Variants in GPC5 observed in about 807,000 individuals in gnomAD.
GPC5 encodes the protein glypican-5.
A neutral mutation model predicts 53.9 loss-of-function variants in GPC5; 47 were observed. The observed-to-expected ratio is 0.87, with a 90% CI of 0.69 to 1.11. The LOEUF is 1.11. Ranked by LOEUF, GPC5 falls within the 50% of genes most tolerant of loss-of-function variation. The probability of loss-of-function intolerance (pLI) is 0.00; values close to 1 mark genes in which losing one functional copy is unlikely to be tolerated. For missense variants in GPC5, 748 were observed against 713.1 expected (o/e 1.05, Z -0.56); for synonymous variants, 286 against 263.3 (o/e 1.09, Z -0.84).
At chr13:91,673,104 A>T (rs2139684613) in intron 2 of GPC5, among the ~76,000 whole-genome samples, 1 of 152,010 alleles carries the variant, frequency 6.6e-6, no homozygotes, top group African/African-American at 2.4e-5. Context: ...AGGGGAGGGA[A>T]CTTAGAGGAT....
intron 7 of GPC5, among the ~76,000 whole-genome samples, chr13:92,539,829 G>T (rs1305439827): frequency 6.6e-6 from 1 of 151,862 alleles, no homozygotes; most frequent in Non-Finnish European, 1.5e-5. Flanking sequence ...AACATTTTGA[G>T]AAGGATGTAC....
intron 2 of GPC5, among the ~76,000 whole-genome samples, chr13:91,603,920 A>G (rs2033263973): frequency 6.7e-6 from 1 of 149,768 alleles, no homozygotes. Flanking sequence ...CCTTTCTAGT[A>G]GTATTTTTTT....
rs573351062 is a variant in GPC5 at position 91,688,120 on chromosome 13, A to T, written c.326-5067A>T. On this transcript the variant is annotated intron_variant, in intron 2 of 7. Coordinates refer to ENST00000377067, the MANE Select transcript of GPC5 (RefSeq NM_004466.6). The stretch of plus-strand genomic sequence containing the variant: ...CTCAACTCCTTGGTAAACATGGTAT[A>T]AGAACAAAGTGATAGTTTTACAAAT... 2.2e-3 allele frequency among the ~76,000 whole-genome samples: 330 copies of T among 152,230 alleles called. 1 individual carries two copies. The highest frequency in any genetic ancestry group is 7.4e-3 in the African/African-American group (307 of 41,578).
At chr13:92,328,693 G>A (rs1344139893) in intron 7 of GPC5, among the ~76,000 whole-genome samples, 2 of 152,060 alleles carry the variant, frequency 1.3e-5, no homozygotes, top group Non-Finnish European at 2.9e-5. Flanking sequence ...CCATGTTCAT[G>A]GAAAGAAAAA....
intron 7 of GPC5, among the ~76,000 whole-genome samples, chr13:92,445,967 G>T (rs1403833846): frequency 6.6e-6 from 1 of 151,802 alleles, no homozygotes; most frequent in Non-Finnish European, 1.5e-5. Context: ...TAATTTTTCT[G>T]AGTACATAGT....
intron 2 of GPC5, among the ~76,000 whole-genome samples, chr13:91,532,487 G>A (rs1287822188): frequency 1.3e-5 from 2 of 152,110 alleles, no homozygotes; most frequent in Admixed American, 1.3e-4. Context: ...ATTTATATCA[G>A]TTGTTTCACA....
At chr13:91,602,067 T>A (rs970666849) in intron 2 of GPC5, among the ~76,000 whole-genome samples, 8 of 152,238 alleles carry the variant, frequency 5.3e-5, no homozygotes, top group African/African-American at 1.9e-4. Flanking sequence ...GTGTCTTTTC[T>A]ACCTTTTCCT....
chr13:91,802,504 A>T (rs2038152176), intron 5 of GPC5, among the ~76,000 whole-genome samples: 1 of 152,138 alleles, frequency 6.6e-6, no homozygotes, highest in African/African-American at 2.4e-5. Flanking sequence ...ATGGAAGGGG[A>T]CCCAAGCAGG....
At chr13:91,860,320 T>C (rs1035814466) in intron 5 of GPC5, among the ~76,000 whole-genome samples, 6 of 152,076 alleles carry the variant, frequency 3.9e-5, no homozygotes, top group Admixed American at 3.9e-4. Flanking sequence ...GAAGCTGTAA[T>C]GTTTAACTTT....
intron 7 of GPC5, among the ~76,000 whole-genome samples, chr13:92,158,000 A>G (rs1325375694): frequency 6.6e-6 from 1 of 152,230 alleles, no homozygotes; most frequent in Non-Finnish European, 1.5e-5. Flanking sequence ...TGAGGAATAA[A>G]GAATACATAA....
chr13:92,545,372 A>T (rs758923018), intron 7 of GPC5, among the ~76,000 whole-genome samples: 1 of 152,160 alleles, frequency 6.6e-6, no homozygotes. Context: ...TAGTGCTGCA[A>T]TAAACATACG....
At chr13:92,303,472 A>G (rs1255012518) in intron 7 of GPC5, among the ~76,000 whole-genome samples, 1 of 152,004 alleles carries the variant, frequency 6.6e-6, no homozygotes, top group African/African-American at 2.4e-5. Context: ...GAAAAAAAAA[A>G]TGGTGGAAAT....
chr13:91,428,709 CGAAATTCAAGAAATTTGAAAG>C (rs1240304167), intron 1 of GPC5, among the ~76,000 whole-genome samples: 27 of 151,608 alleles, frequency 1.8e-4, no homozygotes, highest in Admixed American at 1.4e-3. Flanking sequence ...TTTTAAATCT[CGAAATTCAAGAAATTTGAAAG>C]GAATTTTTTT....
intron 6 of GPC5, among the ~76,000 whole-genome samples, chr13:91,958,359 C>T: frequency 6.6e-6 from 1 of 151,782 alleles, no homozygotes; most frequent in East Asian, 1.9e-4. Context: ...TATGTGCGCC[C>T]AAGGTCAGAG....
At chr13:91,887,034 C>G (rs1388434824) in intron 5 of GPC5, among the ~76,000 whole-genome samples, 1 of 152,174 alleles carries the variant, frequency 6.6e-6, no homozygotes, top group Non-Finnish European at 1.5e-5. Context: ...CCCTTCTTTA[C>G]TACCCTAGCA....
At chr13:92,254,393 T>C (rs982499955) in intron 7 of GPC5, among the ~76,000 whole-genome samples, 4 of 152,136 alleles carry the variant, frequency 2.6e-5, no homozygotes, top group Non-Finnish European at 5.9e-5. Flanking sequence ...TTTAATGAAG[T>C]TTGTATAGAT....
chr13:92,527,238 AAAGAAAGAAAGAGAAAGAAAGAAAG>A (rs1881378642), intron 7 of GPC5, among the ~76,000 whole-genome samples: 1 of 37,242 alleles, frequency 2.7e-5, no homozygotes, highest in Non-Finnish European at 4.5e-5. Context: ...AGAAAGAAAG[AAAGAAAGAAAGAGAAAGAAAGAAAG>A]AAAGAAAGAA....
chr13:92,579,284 TCTCTCTCTCTCTCTCTCC>T (rs1883295406), intron 7 of GPC5, among the ~76,000 whole-genome samples: 1 of 53,130 alleles, frequency 1.9e-5, no homozygotes, highest in African/African-American at 1.1e-4. Flanking sequence ...CCTCTCTCTC[TCTCTCTCTCTCTCTCTCC>T]CTCCCTCCCT....
At chr13:92,821,372 A>G (rs775349921) in intron 7 of GPC5, among the ~76,000 whole-genome samples, 3 of 152,092 alleles carry the variant, frequency 2.0e-5, no homozygotes, top group Non-Finnish European at 2.9e-5. Flanking sequence ...AGAACAGCCA[A>G]TTCATAATCA....
Sources: gnomAD v4.1 joint callset for allele counts (sites outside exome capture counted in the v4.1 genomes callset) on GRCh38, gnomAD v4.1.1 for gene constraint, MANE v1.5 for transcripts, NCBI Gene and HGNC (gene_info 2026-07-23, HGNC 2026-07-21) for gene names.